CCND3: variants seen among roughly 807,000 people sequenced by gnomAD.
The protein encoded by CCND3 is G1/S-specific cyclin-D3.
Under a neutral mutation model 28.7 loss-of-function variants are expected in CCND3, and 9 were observed. The observed-to-expected ratio is 0.31, with a 90% CI of 0.19 to 0.55. The LOEUF (loss-of-function observed/expected upper bound fraction) is 0.55, where lower values mean the gene tolerates loss of function less well. Among genes scored for constraint, CCND3 ranks in the 20% least tolerant of loss-of-function variants. CCND3 has a pLI of 0.93. For missense variants in CCND3, 315 were observed against 385.8 expected (o/e 0.82, Z 1.54); for synonymous variants, 164 against 163.9 (o/e 1.00, Z 0.00).
chr6:42,037,389 G>A (rs1028537499), intron 1 of CCND3, among the ~76,000 whole-genome samples: 29 of 151,448 alleles, frequency 1.9e-4, no homozygotes, highest in Non-Finnish European at 7.4e-5. Context: ...AGGCATGCAC[G>A]ACCATGCCCA....
chr6:41,968,024 A>G (rs112880259), intron 1 of CCND3, among the ~76,000 whole-genome samples: 175 of 152,370 alleles, frequency 1.1e-3, no homozygotes, highest in African/African-American at 3.8e-3. Context: ...TCTTTTCTGA[A>G]TGTAAACCAT....
In CCND3 at chr6:41,940,432, G is replaced by A. The variant is rs1278695873; in HGVS notation, c.352C>T (p.Pro118Ser). The A allele has an allele frequency of 1.9e-6, 3 of 1,613,836 alleles. No homozygotes were observed. Among genetic ancestry groups the A allele is most frequent in the South Asian group, 2.2e-5 (2 of 91,058 alleles). ...ATGCACAGTTTTTCGATGGTCAGGG[G>A]CGTGGTCTCGCGCAGCTTGGAGGCC... ...LLASKLRETT[P>S]LTIEKLCIYT... Residue 118 changes from proline (P) to serine (S), a missense_variant, in exon 2 of 5, where the codon CCC becomes TCC. Pro to Ser is a moderately conservative substitution (Grantham distance 74, BLOSUM62 -1). Transcript: ENST00000372991.
At chr6:41,950,373 T>C (rs913132124) in intron 1 of CCND3, among the ~76,000 whole-genome samples, 1 of 152,142 alleles carries the variant, frequency 6.6e-6, no homozygotes, top group African/African-American at 2.4e-5. Flanking sequence ...GGCTTAGTCA[T>C]TAAGTAAGTG....
intron 1 of CCND3, among the ~76,000 whole-genome samples, chr6:42,027,433 C>G (rs1423160706): frequency 9.8e-6 from 1 of 102,016 alleles, no homozygotes; most frequent in African/African-American, 3.9e-5. Context: ...GAGCGAGGCT[C>G]CATCTCAAAA....
Position 41,956,608 on chromosome 6 carries a change from G to T in CCND3, c.-45-16023C>A, listed in dbSNP as rs114789046. On this transcript the variant is annotated intron_variant, in intron 1 of 4. Transcript: ENST00000372988. ...AAGAATGGATTTCTCTGAGGAATCTGATAGCATGATCTAAATCTGATTGCC... is the reference window on the plus strand; with the variant it reads ...AAGAATGGATTTCTCTGAGGAATCTTATAGCATGATCTAAATCTGATTGCC... Among the ~76,000 whole-genome samples the T allele has an allele frequency of 7.8e-3, 1,185 of 152,326 alleles. 7 individuals carry two copies. The highest frequency in any genetic ancestry group is 0.011 in the Non-Finnish European group (741 of 68,034).
At chr6:41,943,289 C>T (rs1264276002), upstream of CCND3, among the ~76,000 whole-genome samples, 1 of 152,092 alleles carries the variant, frequency 6.6e-6, no homozygotes, top group African/African-American at 2.4e-5. Context: ...TGCAATTTGC[C>T]ATGAAATAAC....
rs1368487572 is a variant in CCND3, at chr6:41,940,357, G to A, written c.414+13C>T. On this transcript the variant is annotated intron_variant, in intron 2 of 4. Coordinates refer to ENST00000372991, the MANE Select transcript of CCND3 (RefSeq NM_001760.5). ...ACAATACGTGTCGGGGGTGGGGGGA[G>A]TTACACACGCACCCGCAACTGGCGG... 1 of 1,607,570 alleles carries A rather than the reference G, an allele frequency of 6.2e-7. No individual in the cohort carries two copies. The highest frequency in any genetic ancestry group is 2.2e-5 in the East Asian group (1 of 44,840).
chr6:42,008,067 AT>A (rs906634567), intron 1 of CCND3, among the ~76,000 whole-genome samples: 15 of 152,018 alleles, frequency 9.9e-5, no homozygotes, highest in African/African-American at 3.6e-4. Context: ...GCTCTACCTT[AT>A]TTTTTAATAT....
chr6:41,951,890 C>T (rs144859392), intron 1 of CCND3, among the ~76,000 whole-genome samples: 5 of 151,958 alleles, frequency 3.3e-5, no homozygotes, highest in Admixed American at 6.6e-5. Context: ...TCCTAAGTAG[C>T]GGGGATTACA....
intron 1 of CCND3, among the ~76,000 whole-genome samples, chr6:41,963,921 G>C (rs1314189918): frequency 6.6e-6 from 1 of 152,098 alleles, no homozygotes; most frequent in African/African-American, 2.4e-5. Flanking sequence ...CACCTTTCCT[G>C]ATCTTCTGAG....
rs1405249646 is a variant in CCND3 at position 41,935,158 on chromosome 6, C to T, written c.*782G>A. On this transcript the variant is annotated 3_prime_UTR_variant, in exon 5 of 5. Coordinates refer to ENST00000372991, the MANE Select transcript of CCND3 (RefSeq NM_001760.5). ...TGGGAGAGGAGGGCATGACCCCACC[C>T]CAGGCTATAGCAGCTCCTTGGCCAC... 8.6e-6 allele frequency: 2 copies of T among 233,250 alleles called. No individual in the cohort carries two copies. The highest frequency in any genetic ancestry group is 1.7e-5 in the Non-Finnish European group (2 of 118,106). The allele number at this position is 233,250 out of a possible 1,614,324, so 14.4% of individuals were successfully genotyped here.
At chr6:41,989,433 G>A (rs540665141) in intron 1 of CCND3, among the ~76,000 whole-genome samples, 9 of 112,454 alleles carry the variant, frequency 8.0e-5, no homozygotes, top group Admixed American at 2.6e-4. Flanking sequence ...TAGCCTGGGC[G>A]ACAAGAGTGA....
At chr6:41,950,081 G>C (rs1202077311) in intron 1 of CCND3, among the ~76,000 whole-genome samples, 1 of 145,672 alleles carries the variant, frequency 6.9e-6, no homozygotes, top group East Asian at 2.0e-4. Flanking sequence ...CTGGACAACA[G>C]AGCAAGATTA....
intron 1 of CCND3, among the ~76,000 whole-genome samples, chr6:41,952,831 T>A (rs1320452715): frequency 1.3e-5 from 2 of 151,862 alleles, no homozygotes; most frequent in Non-Finnish European, 1.5e-5. Flanking sequence ...TGTGTGTGTG[T>A]GACATGAAAC....
chr6:42,025,376 C>A (rs1348009244), intron 1 of CCND3, among the ~76,000 whole-genome samples: 2 of 152,166 alleles, frequency 1.3e-5, no homozygotes, highest in Non-Finnish European at 2.9e-5. Context: ...TTTCCTGGAG[C>A]AAAGAGGTGC....
At chr6:42,030,069 G>A (rs537566743) in intron 1 of CCND3, 1 of 152,308 alleles carries the variant, frequency 6.6e-6, no homozygotes, top group African/African-American at 2.4e-5. Flanking sequence ...CACAGCTCAG[G>A]AATACAGGTG....
intron 1 of CCND3, among the ~76,000 whole-genome samples, chr6:41,948,265 C>G (rs1053335007): frequency 2.0e-5 from 3 of 152,074 alleles, no homozygotes; most frequent in Non-Finnish European, 4.4e-5. Context: ...TACAGCTTGT[C>G]TACTCCCACA....
Position 41,936,826 on chromosome 6 carries a change from T to C in CCND3, c.575-131A>G, listed in dbSNP as rs548789048. On this transcript the variant is annotated intron_variant, in intron 3 of 4. Transcript: ENST00000372991. The surrounding 1 kb of genome is among the most constrained non-coding windows in gnomAD (Gnocchi z 4.4). The stretch of plus-strand genomic sequence containing the variant: ...AGGACATGCTGGAAAACTCCAGCAG[T>C]GGGTGGGGCAAGATATCAGCAAGGG... The C allele has an allele frequency of 2.1e-5, 18 of 875,176 alleles. No homozygotes were observed. Among genetic ancestry groups the C allele is most frequent in the Non-Finnish European group, 3.2e-5 (18 of 570,718 alleles). 54.2% of individuals were successfully genotyped at this position (875,176 alleles called of 1,614,324 possible).
At chr6:41,980,413 G>A (rs1762313723) in intron 1 of CCND3, among the ~76,000 whole-genome samples, 1 of 152,134 alleles carries the variant, frequency 6.6e-6, no homozygotes, top group Non-Finnish European at 1.5e-5. Flanking sequence ...TGGGATTACA[G>A]GAGTAAGCCA....
Sources: gnomAD v4.1 joint callset for allele counts (sites outside exome capture counted in the v4.1 genomes callset) on GRCh38, gnomAD v4.1.1 for gene constraint, Gnocchi (gnomAD v3.1) non-coding constraint, MANE v1.5 for transcripts, NCBI Gene and HGNC (gene_info 2026-07-23, HGNC 2026-07-21) for gene names.